Variants in KMT2B observed in about 807,000 individuals in gnomAD.
KMT2B encodes the protein lysine methyltransferase 2B.
In KMT2B, 22 loss-of-function variants were observed where a neutral mutation model predicts 255.3. The ratio of observed to expected loss-of-function variants is 0.09; its 90% CI spans 0.06 to 0.12. The LOEUF is 0.12. Among genes scored for constraint, KMT2B ranks in the 10% least tolerant of loss-of-function variants. The pLI is 1.00. For synonymous variants in KMT2B, 1,730 were observed against 1,498.1 expected, an observed-to-expected ratio of 1.15 and a Z score of -3.57; for missense variants, 3,149 against 3,737.0, an observed-to-expected ratio of 0.84 and a Z score of 4.10.
rs762157346 is a variant in KMT2B, at chr19:35,721,356, C to T, written c.2009C>T (p.Pro670Leu). ...TACGAATCGGTGCTTACTCCTCCTC[C>T]TCTTGGGGCTCCTGAAGCCCCTGAG... ...KIYESVLTPP[P>L]LGAPEAPEPE... Residue 670 changes from proline (P) to leucine (L), a missense_variant, in exon 3 of 37, where the codon CCT becomes CTT. Physicochemically the swap from Pro to Leu is moderately conservative, Grantham distance 98. Transcript: ENST00000420124. The T allele has an allele frequency of 1.3e-6, 2 of 1,588,574 alleles. No individual in the cohort carries two copies. Among genetic ancestry groups the T allele is most frequent in the African/African-American group, 1.3e-5 (1 of 74,156 alleles).
chr19:35,718,432 T>G lies in KMT2B; in HGVS notation c.363+51T>G, dbSNP rs2146429874. ...CGCCGGGTGGGGCGGAGGCCGGGGCTTCCAGGGGTCTGGGTTGTCCCGGGG... is the reference window on the plus strand; with the variant it reads ...CGCCGGGTGGGGCGGAGGCCGGGGCGTCCAGGGGTCTGGGTTGTCCCGGGG... On this transcript the variant is annotated intron_variant, in intron 1 of 36. Transcript: ENST00000420124. The surrounding 1 kb of genome is among the most constrained non-coding windows in gnomAD (Gnocchi z 5.0). 8.2e-7 allele frequency: 1 copy of G among 1,225,644 alleles called. No homozygotes were observed. Among genetic ancestry groups the G allele is most frequent in the East Asian group, 3.3e-5 (1 of 30,594 alleles). 75.9% of individuals were successfully genotyped at this position (1,225,644 alleles called of 1,614,324 possible). A position where few individuals can be genotyped will look rare whatever the true frequency, so the allele number is the denominator to read the frequency against.
chr19:35,721,597 C>T lies in KMT2B; in HGVS notation c.2250C>T (p.Pro750=), dbSNP rs1215532575. 3.7e-6 allele frequency: 6 copies of T among 1,611,828 alleles called. No individual in the cohort carries two copies. The African/African-American group carries it at 4.0e-5, about 11-fold the overall frequency. ...AGGCCTTGCAAACCCAGCTCCTGCC[C>T]CAGGCACTACCGCCACCACAGCCAC... The part of the protein sequence containing the change: ...PLQALQTQLL[P]QALPPPQPQL... The change falls in exon 3 of 37, where the codon CCC becomes CCT. Residue 750 remains proline (P), a synonymous_variant. Coordinates refer to ENST00000420124, the MANE Select transcript of KMT2B (RefSeq NM_014727.3).
chr19:35,719,941 G>T lies in KMT2B; in HGVS notation c.594G>T (p.Arg198=). 6.2e-7 allele frequency: 1 copy of T among 1,613,392 alleles called. No homozygotes were observed. The highest frequency in any genetic ancestry group is 8.5e-7 in the Non-Finnish European group (1 of 1,179,856). ...TGCAGGCACTGACTGAACTTCTCCG[G>T]CGGGCCCAGGCACCCCAAGCACCCC... ...RMVQALTELL[R]RAQAPQAPRS... The change falls in exon 3 of 37, where the codon CGG becomes CGT. Residue 198 remains arginine (R), a synonymous_variant. Transcript: ENST00000420124.
In KMT2B at chr19:35,738,233, G is replaced by C. The variant is rs201214185; in HGVS notation, c.7872+42G>C. On this transcript the variant is annotated intron_variant, in intron 36 of 36. Coordinates refer to ENST00000420124, the MANE Select transcript of KMT2B (RefSeq NM_014727.3). This position sits in a 1 kb window ranked among gnomAD's most constrained non-coding sequence, Gnocchi z 8.7. ...TGTGGGAAGACAGTGGGTGAAGCGA[G>C]CCTGTCCGCGGGGACAGAGCACCTG... is the stretch of plus-strand genomic sequence containing the variant. The C allele has an allele frequency of 1.9e-6, 3 of 1,613,590 alleles. No homozygotes were observed. The highest frequency in any genetic ancestry group is 8.5e-7 in the Non-Finnish European group (1 of 1,179,654).
At chr19:35,729,877 A>T in intron 22 of KMT2B, 90 bp from the exon 23 acceptor site, 1 of 1,329,356 alleles carries the variant, frequency 7.5e-7, no homozygotes, top group Admixed American at 2.1e-5. Context: ...GTGCCAGGCT[A>T]GACAGGGACC....
At position 35,727,779 on chromosome 19, in the gene KMT2B, A is replaced by G; in HGVS notation, c.4384A>G (p.Lys1462Glu). ...VSQRFEDGHYKSVHSFMEDMV... is the reference protein window; with the variant it reads ...VSQRFEDGHYESVHSFMEDMV... ...TCAGCGCTTCGAGGATGGCCACTACAAGTCTGTGGTGAGTGGTACACCAGG... is the reference window on the plus strand; with the variant it reads ...TCAGCGCTTCGAGGATGGCCACTACGAGTCTGTGGTGAGTGGTACACCAGG... Residue 1462 changes from lysine (K) to glutamate (E), a missense_variant, in exon 17 of 37, where the codon AAG (lysine) becomes GAG (glutamate). This residue lies in a region of KMT2B where 377 missense variants were observed against 471.0 expected (regional missense o/e 0.80). Transcript: ENST00000420124. The surrounding 1 kb of genome is among the most constrained non-coding windows in gnomAD (Gnocchi z 4.2). 1 of 1,613,834 alleles carries G rather than the reference A, an allele frequency of 6.2e-7. No homozygotes were observed.
intron 9 of KMT2B, 52 bp downstream of exon 9, chr19:35,724,783 G>A (rs1303255164): frequency 1.4e-6 from 2 of 1,480,800 alleles, no homozygotes; most frequent in Non-Finnish European, 1.8e-6. Flanking sequence ...TACCTGGCAA[G>A]TCAGAGTGAC....
In KMT2B at chr19:35,722,631, C is replaced by G. The variant is rs769042062; in HGVS notation, c.2635C>G (p.Leu879Val). 1.6e-5 allele frequency: 26 copies of G among 1,612,778 alleles called. No individual in the cohort carries two copies. Among genetic ancestry groups the G allele is most frequent in the Non-Finnish European group, 2.0e-5 (24 of 1,179,596 alleles). ...TGTCTGCCGTCATGCTGCTGTGGCC[C>G]TGGGTCAGGCCCGGGCCATGGTGCC... ...KHVCRHAAVA[L>V]GQARAMVPED... The change falls in exon 5 of 37, where the codon CTG (leucine) becomes GTG (valine). Residue 879 changes from leucine (L) to valine (V), a missense_variant. This residue lies in a region of KMT2B where 132 missense variants were observed against 174.7 expected (regional missense o/e 0.76). Coordinates refer to ENST00000420124, the MANE Select transcript of KMT2B (RefSeq NM_014727.3).
In KMT2B at chr19:35,727,362, C is replaced by T; in HGVS notation, c.4118-76C>T. 1 of 1,588,012 alleles carries T rather than the reference C, an allele frequency of 6.3e-7. No individual in the cohort carries two copies. The highest frequency in any genetic ancestry group is 1.7e-5 in the Admixed American group (1 of 59,988). ...CAAGAGGACTGGTGGGCTAAGGGTCCTTGCTGGCCTAGGGGCTGCTGGGAG... is the reference window on the plus strand; with the variant it reads ...CAAGAGGACTGGTGGGCTAAGGGTCTTTGCTGGCCTAGGGGCTGCTGGGAG... On this transcript the variant is annotated intron_variant, in intron 15 of 36. Coordinates refer to ENST00000420124, the MANE Select transcript of KMT2B (RefSeq NM_014727.3). The surrounding 1 kb of genome is among the most constrained non-coding windows in gnomAD (Gnocchi z 4.2).
rs756646242 is a variant in KMT2B, at chr19:35,720,321, CAGGTCA to C, written c.988_993del (p.Gly330_Gln331del). ...GGACAATTGTCCTTGGGACTCGAAT[CAGGTCA>C]AGGTCAAGGTCAACATGAGGAAAGT... On this transcript the variant is annotated inframe_deletion, in exon 3 of 37. Transcript: ENST00000420124. 1.6e-4 allele frequency: 265 copies of C among 1,612,814 alleles called. No individual in the cohort carries two copies. Among genetic ancestry groups the C allele is most frequent in the Middle Eastern group, 1.3e-3 (8 of 6,060 alleles).
Position 35,718,716 on chromosome 19 carries a change from A to AT in KMT2B, c.363+335_363+336insT, listed in dbSNP as rs1969059422. On this transcript the variant is annotated intron_variant, in intron 1 of 36. Coordinates refer to ENST00000420124, the MANE Select transcript of KMT2B (RefSeq NM_014727.3). This position sits in a 1 kb window ranked among gnomAD's most constrained non-coding sequence, Gnocchi z 5.0. ...GCATGTCCAGCCAGTCGTGGTTGAC[A>AT]GCGGCAGCGTGGCCTTGGCAGACAG... 6.6e-6 allele frequency among the ~76,000 whole-genome samples: 1 copy of AT among 152,162 alleles called. No homozygotes were observed. The highest frequency in any genetic ancestry group is 2.1e-4 in the South Asian group (1 of 4,836).
At chr19:35,731,051 G>C (rs966182842) in intron 26 of KMT2B, among the ~76,000 whole-genome samples, 184 bp downstream of exon 26, 3 of 152,282 alleles carry the variant, frequency 2.0e-5, no homozygotes, top group African/African-American at 7.2e-5. Flanking sequence ...CTTTTCATGG[G>C]AAGTGAGGTG....
In KMT2B at chr19:35,736,760, T is replaced by C. The variant is rs1447423237; in HGVS notation, c.7230T>C (p.Thr2410=). Residue 2410 remains threonine, a synonymous_variant, in exon 31 of 37, where the codon ACT becomes ACC. Transcript: ENST00000420124. ...DDKENQAPKR[T]GPHLRFEISS... ...AAGAGAACCAGGCCCCAAAACGGAC[T>C]GGCCCACATCTGCGCTTCGAGATCA... The C allele has an allele frequency of 5.6e-6, 9 of 1,613,870 alleles. No homozygotes were observed. Among genetic ancestry groups the C allele is most frequent in the Non-Finnish European group, 7.6e-6 (9 of 1,179,886 alleles).
chr19:35,719,665 A>G, intron 2 of KMT2B, 119 bp from the exon 3 acceptor site: 1 of 1,517,226 alleles, frequency 6.6e-7, no homozygotes, highest in South Asian at 1.2e-5. Flanking sequence ...TCAGAGTCCA[A>G]GCTAGTCTGG....
At position 35,733,543 on chromosome 19, in the gene KMT2B, A is replaced by G. The variant is rs116827737; in HGVS notation, c.6959+35A>G. The G allele has an allele frequency of 1.6e-3, 2,441 of 1,554,766 alleles. 27 individuals carry two copies. The African/African-American group carries it at 0.03, about 19-fold the overall frequency. On this transcript the variant is annotated intron_variant, in intron 28 of 36. Coordinates refer to ENST00000420124, the MANE Select transcript of KMT2B (RefSeq NM_014727.3). This position sits in a 1 kb window ranked among gnomAD's most constrained non-coding sequence, Gnocchi z 4.3. ...GGTGCTGAGGCTGGCAGAGCAGGCA[A>G]GGGGGCAGATGGGCGGGAGATGCGG...
At position 35,727,226 on chromosome 19, in the gene KMT2B, A is replaced by G. The variant is rs1969492176; in HGVS notation, c.4074A>G (p.Ala1358=). 15 of 1,613,558 alleles carry G rather than the reference A, an allele frequency of 9.3e-6. No homozygotes were observed. The highest frequency in any genetic ancestry group is 1.2e-5 in the Non-Finnish European group (14 of 1,179,682). Residue 1358 remains alanine, a synonymous_variant, in exon 15 of 37, where the codon GCA becomes GCG. Transcript: ENST00000420124. This position sits in a 1 kb window ranked among gnomAD's most constrained non-coding sequence, Gnocchi z 4.2. ...ATGAGAGCAAGATGATGCAGTGCGCACAGTGCGATCACTGGGTGCATGCCA... is the reference window on the plus strand; with the variant it reads ...ATGAGAGCAAGATGATGCAGTGCGCGCAGTGCGATCACTGGGTGCATGCCA... ...NDYESKMMQC[A]QCDHWVHAKC...
In KMT2B at chr19:35,733,496, T is replaced by G. The variant is rs1313601589; in HGVS notation, c.6947T>G (p.Leu2316Arg). The G allele has an allele frequency of 2.6e-6, 4 of 1,565,568 alleles. No homozygotes were observed. In the South Asian group the frequency reaches 3.5e-5, roughly 14 times the overall value. ...ASEDTPQVPGLGSGGFSRVRM... is the reference protein window; with the variant it reads ...ASEDTPQVPGRGSGGFSRVRM... ...GAGGATACCCCTCAGGTTCCAGGGCTTGGCAGTGGCGGGTGAGTGCGGGTG... is the reference window on the plus strand; with the variant it reads ...GAGGATACCCCTCAGGTTCCAGGGCGTGGCAGTGGCGGGTGAGTGCGGGTG... Residue 2316 changes from leucine (L) to arginine (R), a missense_variant, in exon 28 of 37, where the codon CTT becomes CGT. By Grantham distance (102) the Leu-to-Arg change is moderately radical. Around this residue, in one of 18 missense-constraint regions of KMT2B, gnomAD observed 897 missense variants for 825.3 expected, o/e 1.09. Transcript: ENST00000420124. The surrounding 1 kb of genome is among the most constrained non-coding windows in gnomAD (Gnocchi z 4.3).
Position 35,733,573 on chromosome 19 carries a change from TC to T in KMT2B, c.6960-22del, listed in dbSNP as rs747196895. Reference sequence around the variant, plus strand: ...GCAGATGGGCGGGAGATGCGGCTCATCCTTCTCGGGCTCGCCCTCCCAGGTT... The same window carrying T: ...GCAGATGGGCGGGAGATGCGGCTCATCTTCTCGGGCTCGCCCTCCCAGGTT... On this transcript the variant is annotated intron_variant, in intron 28 of 36. Transcript: ENST00000420124. This position sits in a 1 kb window ranked among gnomAD's most constrained non-coding sequence, Gnocchi z 4.3. The T allele has an allele frequency of 7.8e-5, 122 of 1,560,096 alleles. 1 individual carries two copies. In the African/African-American group the frequency reaches 1.6e-3, roughly 20 times the overall value.
chr19:35,729,317 A>T (rs1969595074), intron 22 of KMT2B, 21 bp downstream of exon 22: 1 of 1,578,528 alleles, frequency 6.3e-7, no homozygotes, highest in Non-Finnish European at 8.6e-7. Flanking sequence ...GGGCGCAGAG[A>T]GGTGGACAGC....
Sources: allele counts gnomAD v4.1 joint callset (sites outside exome capture counted in the v4.1 genomes callset), GRCh38; gene constraint gnomAD v4.1.1; regional missense constraint gnomAD v4.1.1; non-coding constraint Gnocchi (gnomAD v3.1); transcripts MANE v1.5; gene names NCBI Gene and HGNC (gene_info 2026-07-23, HGNC 2026-07-21).